The following TTLL12 variants were observed in gnomAD, a reference collection of about 807,000 sequenced individuals.
The protein encoded by TTLL12 is tubulin tyrosine ligase like 12, also known as tubulin--tyrosine ligase-like protein 12.
Under a neutral mutation model 79.6 loss-of-function variants are expected in TTLL12, and 77 were observed. The observed-to-expected ratio is 0.97, with a 90% CI of 0.81 to 1.17. The LOEUF is 1.17. Ranked by LOEUF, TTLL12 falls within the 50% of genes most tolerant of loss-of-function variation. The pLI is 0.00. For missense variants in TTLL12, 969 were observed against 895.9 expected (o/e 1.08, Z -1.04); for synonymous variants, 437 against 376.1 (o/e 1.16, Z -1.87).
Position 43,169,947 on chromosome 22 carries a change from G to A in TTLL12, c.1576-379C>T, listed in dbSNP as rs139896281. On this transcript the variant is annotated intron_variant, in intron 11 of 13. Transcript: ENST00000216129. Reference sequence around the variant, plus strand: ...CCTCACACTCAGCTCAGTACAGTGCGAAGGAGGCAGAGCTCAAGACTCCGC... The same window carrying A: ...CCTCACACTCAGCTCAGTACAGTGCAAAGGAGGCAGAGCTCAAGACTCCGC... 3.3e-3 allele frequency: 1,515 copies of A among 452,570 alleles called. 6 individuals carry two copies. Among genetic ancestry groups the A allele is most frequent in the Non-Finnish European group, 4.7e-3 (1,065 of 224,678 alleles). 28.0% of individuals were successfully genotyped at this position (452,570 alleles called of 1,614,324 possible).
intron 1 of TTLL12, among the ~76,000 whole-genome samples, chr22:43,186,419 T>C (rs1932187503): frequency 6.6e-6 from 1 of 152,334 alleles, no homozygotes; most frequent in East Asian, 1.9e-4. Flanking sequence ...TTCTTTAACC[T>C]GCAAGATGAG....
chr22:43,176,514 G>A (rs1368223913), intron 5 of TTLL12, 118 bp from the exon 6 acceptor site: 2 of 795,090 alleles, frequency 2.5e-6, no homozygotes, highest in Admixed American at 2.0e-5. Context: ...TGGATCACGT[G>A]ATGTCAGGAG....
At chr22:43,170,117 G>A (rs1226582191) in intron 11 of TTLL12, 2 of 355,716 alleles carry the variant, frequency 5.6e-6, no homozygotes, top group Admixed American at 3.8e-5. Flanking sequence ...GAACAAGCCA[G>A]GAAAGGCCCC....
intron 2 of TTLL12, among the ~76,000 whole-genome samples, chr22:43,182,179 G>A (rs1275686288): frequency 6.6e-6 from 1 of 152,236 alleles, no homozygotes; most frequent in Non-Finnish European, 1.5e-5. Context: ...GGAGCTCCCA[G>A]GGCAGCCACT....
chr22:43,171,354 A>C (rs778910964), intron 11 of TTLL12, among the ~76,000 whole-genome samples: 17 of 152,178 alleles, frequency 1.1e-4, no homozygotes, highest in South Asian at 4.1e-4. Flanking sequence ...TGCCCACTGC[A>C]TGGGGCACCG....
intron 8 of TTLL12, 113 bp from the exon 9 acceptor site, chr22:43,173,939 G>C (rs1323359280): frequency 2.9e-6 from 3 of 1,034,518 alleles, no homozygotes; most frequent in African/African-American, 1.6e-5. Flanking sequence ...GGAGCTGAGG[G>C]GGCACCAGAG....
At chr22:43,184,969 T>A (rs1473214456) in intron 1 of TTLL12, among the ~76,000 whole-genome samples, 2 of 152,014 alleles carry the variant, frequency 1.3e-5, no homozygotes, top group African/African-American at 2.4e-5. Context: ...GCGGCTCACG[T>A]CTGTAATCCC....
At chr22:43,168,295 C>T (rs1202656320) in intron 13 of TTLL12, 136 bp from the exon 14 acceptor site, 29 of 1,291,840 alleles carry the variant, frequency 2.2e-5, no homozygotes, top group Admixed American at 1.4e-4. Context: ...AGGACAAGGC[C>T]GGGCCTAGAA....
chr22:43,167,996 G>T lies in TTLL12; in HGVS notation c.*12C>A. The T allele has an allele frequency of 6.2e-7, 1 of 1,611,882 alleles. No individual in the cohort carries two copies. Among genetic ancestry groups the T allele is most frequent in the South Asian group, 1.1e-5 (1 of 90,918 alleles). On this transcript the variant is annotated 3_prime_UTR_variant, in exon 14 of 14. Transcript: ENST00000216129. ...TCCTGCCCCAAGCACAGGTTTTGGG[G>T]ACAGCGAGTGCCTAGACAAGGCAGG...
chr22:43,168,284 C>A lies in TTLL12; in HGVS notation c.1784-125G>T, dbSNP rs1931669788. On this transcript the variant is annotated intron_variant, in intron 13 of 13. Transcript: ENST00000216129. ...TGGGCCCTGATTCCCAGGGGATGAG[C>A]AGGACAAGGCCGGGCCTAGAACTTG... The A allele has an allele frequency of 3.0e-6, 4 of 1,355,088 alleles. No homozygotes were observed. The South Asian group carries it at 5.9e-5, about 20-fold the overall frequency. The allele number at this position is 1,355,088 out of a possible 1,614,324, so 83.9% of individuals were successfully genotyped here.
chr22:43,174,543 C>G lies in TTLL12; in HGVS notation c.990G>C (p.Ala330=), dbSNP rs369937584. The change falls in exon 7 of 14, where the codon GCG becomes GCC. Residue 330 remains alanine (A), a synonymous_variant. Coordinates refer to ENST00000216129, the MANE Select transcript of TTLL12 (RefSeq NM_015140.4). ...AGAAGTTGAAGAGGATGTCGGCGTC[C>G]GCCTCACTCTGGGTGAGGGTGAAGC... ...HPRFTLTQSE[A]DADILFNFSH... 2 of 1,613,384 alleles carry G rather than the reference C, an allele frequency of 1.2e-6. No individual in the cohort carries two copies. Among genetic ancestry groups the G allele is most frequent in the Non-Finnish European group, 1.7e-6 (2 of 1,179,760 alleles).
intron 5 of TTLL12, 45 bp downstream of exon 5, chr22:43,179,574 G>T: frequency 6.6e-7 from 1 of 1,514,940 alleles, no homozygotes. Flanking sequence ...GAACATTCTG[G>T]AAGCTACCAA....
chr22:43,184,910 T>C (rs965545425), intron 1 of TTLL12, among the ~76,000 whole-genome samples: 4 of 152,134 alleles, frequency 2.6e-5, no homozygotes, highest in African/African-American at 9.7e-5. Context: ...GGGAAGCTTG[T>C]GCAGACAGAA....
chr22:43,175,941 G>A (rs1931896527), intron 6 of TTLL12, among the ~76,000 whole-genome samples: 1 of 150,894 alleles, frequency 6.6e-6, no homozygotes, highest in African/African-American at 2.4e-5. Context: ...GCCTGGTTTG[G>A]CCTCCCAAAG....
rs1472116451 is a variant in TTLL12, at chr22:43,166,735, G to A, written c.*1273C>T. The A allele has an allele frequency of 6.5e-6, 1 of 153,516 alleles. No individual in the cohort carries two copies. Among genetic ancestry groups the A allele is most frequent in the Non-Finnish European group, 1.5e-5 (1 of 68,830 alleles). The allele number at this position is 153,516 out of a possible 1,614,324, so 9.5% of individuals were successfully genotyped here. A position where few individuals can be genotyped will look rare whatever the true frequency, so the allele number is the denominator to read the frequency against. Reference sequence around the variant, plus strand: ...CCTGCCCCTGCAACAGGCCCTCCAGGGGCTAGAGCATGGCTCCCCTCAGGA... The same window carrying A: ...CCTGCCCCTGCAACAGGCCCTCCAGAGGCTAGAGCATGGCTCCCCTCAGGA... On this transcript the variant is annotated 3_prime_UTR_variant, in exon 14 of 14. Transcript: ENST00000216129.
intron 11 of TTLL12, among the ~76,000 whole-genome samples, chr22:43,171,036 G>A (rs1305922117): frequency 6.6e-6 from 1 of 152,236 alleles, no homozygotes; most frequent in Non-Finnish European, 1.5e-5. Context: ...ACGTTCAGGG[G>A]TCGGGGAGCG....
At chr22:43,184,319 A>C (rs1241663839) in intron 1 of TTLL12, among the ~76,000 whole-genome samples, 1 of 152,236 alleles carries the variant, frequency 6.6e-6, no homozygotes, top group Non-Finnish European at 1.5e-5. Flanking sequence ...TGGCGTGAGG[A>C]TGAATCACTC....
chr22:43,179,198 G>A (rs1412471578), intron 5 of TTLL12, among the ~76,000 whole-genome samples: 2 of 152,168 alleles, frequency 1.3e-5, no homozygotes, highest in Non-Finnish European at 2.9e-5. Context: ...AAGCACCTTT[G>A]TTATCAATAA....
intron 5 of TTLL12, among the ~76,000 whole-genome samples, chr22:43,179,216 C>T (rs1931989077): frequency 6.6e-6 from 1 of 152,176 alleles, no homozygotes; most frequent in Non-Finnish European, 1.5e-5. Flanking sequence ...TAACAGTGAC[C>T]ATGATGGTAA....
Sources: gnomAD v4.1 joint callset for allele counts (sites outside exome capture counted in the v4.1 genomes callset) on GRCh38, gnomAD v4.1.1 for gene constraint, MANE v1.5 for transcripts, NCBI Gene and HGNC (gene_info 2026-07-23, HGNC 2026-07-21) for gene names.